Variants in TENM3 observed in about 807,000 individuals in gnomAD.
TENM3 encodes the protein teneurin transmembrane protein 3.
Under a neutral mutation model 255.1 loss-of-function variants are expected in TENM3, and 63 were observed. The ratio of observed to expected loss-of-function variants is 0.25; its 90% CI spans 0.20 to 0.30. The LOEUF (loss-of-function observed/expected upper bound fraction) is 0.30, where lower values mean the gene tolerates loss of function less well. Among genes scored for constraint, TENM3 ranks in the 10% least tolerant of loss-of-function variants. TENM3 has a pLI of 1.00. For missense variants in TENM3, 2,929 were observed against 3,461.1 expected (o/e 0.85, Z 3.86); for synonymous variants, 1,306 against 1,322.3 (o/e 0.99, Z 0.27).
In TENM3 at chr4:182,758,749, C is replaced by T. The variant is rs187258746; in HGVS notation, c.4892+3490C>T. Among the ~76,000 whole-genome samples the T allele has an allele frequency of 1.3e-3, 199 of 152,146 alleles. 1 individual carries two copies. The highest frequency in any genetic ancestry group is 4.6e-3 in the African/African-American group (192 of 41,474). ...GGGATTTGACAGGTTTGACAATGGCCAGAGTGTCACCAAAACCACAACGAG... is the reference window on the plus strand; with the variant it reads ...GGGATTTGACAGGTTTGACAATGGCTAGAGTGTCACCAAAACCACAACGAG... On this transcript the variant is annotated intron_variant, in intron 22 of 27. Coordinates refer to ENST00000511685, the MANE Select transcript of TENM3 (RefSeq NM_001080477.4).
chr4:182,261,297 G>A (rs1386139937), intron 1 of TENM3, among the ~76,000 whole-genome samples: 1 of 152,144 alleles, frequency 6.6e-6, no homozygotes, highest in Non-Finnish European at 1.5e-5. Context: ...ATTCTAAAAG[G>A]CTGAGTATTT....
At chr4:182,656,018 G>A (rs1052402606) in intron 6 of TENM3, among the ~76,000 whole-genome samples, 4 of 152,130 alleles carry the variant, frequency 2.6e-5, no homozygotes, top group African/African-American at 4.8e-5. Context: ...CAGAAATACT[G>A]CTTTGGTAGC....
rs1756049164 is a variant in TENM3 at position 182,680,311 on chromosome 4, A to T, written c.1601A>T (p.His534Leu). The T allele has an allele frequency of 1.9e-6, 3 of 1,613,244 alleles. No homozygotes were observed. The African/African-American group carries it at 4.0e-5, about 22-fold the overall frequency. The change falls in exon 9 of 28, where the codon CAT becomes CTT. Residue 534 changes from histidine (H) to leucine (L), a missense_variant. By Grantham distance (99) the His-to-Leu change is moderately conservative. Around this residue, in one of 6 missense-constraint regions of TENM3, gnomAD observed 1,608 missense variants for 1,884.4 expected, o/e 0.85. Transcript: ENST00000511685. Reference sequence around the variant, plus strand: ...GGAGAATGCGTTTCTGGAACTTGCCATTGTTTTCCAGGATTTCTGGGTCCG... The same window carrying T: ...GGAGAATGCGTTTCTGGAACTTGCCTTTGTTTTCCAGGATTTCTGGGTCCG... The part of the protein sequence containing the change: ...GNGECVSGTC[H>L]CFPGFLGPDC...
At chr4:182,773,443 A>T in intron 22 of TENM3, 29 bp from the exon 23 acceptor site, 1 of 1,566,618 alleles carries the variant, frequency 6.4e-7, no homozygotes. Context: ...TTTCCTATTT[A>T]ACACCAAGTT....
chr4:182,405,447 C>A (rs762364853), intron 3 of TENM3, among the ~76,000 whole-genome samples: 2 of 152,216 alleles, frequency 1.3e-5, no homozygotes, highest in African/African-American at 2.4e-5. Flanking sequence ...GTGTATGGAA[C>A]TATGCTAGAC....
At chr4:182,107,293 C>T in the TENM3 span, among the ~76,000 whole-genome samples, 354 of 152,244 alleles carry the variant, frequency 2.3e-3, no homozygotes, top group African/African-American at 8.2e-3. Context: ...CAGGAGGATA[C>T]AGTCTCATCT....
intron 3 of TENM3, among the ~76,000 whole-genome samples, chr4:182,456,061 T>C (rs774687886): frequency 6.6e-6 from 1 of 152,146 alleles, no homozygotes; most frequent in Non-Finnish European, 1.5e-5. Context: ...GCTAAGAAAA[T>C]AGTTATTCCA....
chr4:182,211,505 T>A (rs936168662), intron 1 of TENM3, among the ~76,000 whole-genome samples: 8 of 152,210 alleles, frequency 5.3e-5, no homozygotes, highest in Admixed American at 4.6e-4. Flanking sequence ...TGAGACTGAA[T>A]TTGAAAAGAA....
At chr4:182,521,576 T>TG (rs151055794) in intron 3 of TENM3, among the ~76,000 whole-genome samples, 1 of 152,020 alleles carries the variant, frequency 6.6e-6, no homozygotes, top group Non-Finnish European at 1.5e-5. Context: ...GGGTAGCAAA[T>TG]GGGGGGGTCG....
chr4:181,573,245 G>C, the TENM3 span, among the ~76,000 whole-genome samples: 2 of 152,032 alleles, frequency 1.3e-5, no homozygotes, highest in Non-Finnish European at 2.9e-5. Flanking sequence ...CCTTTCCTCT[G>C]AGTATGTACC....
the TENM3 span, among the ~76,000 whole-genome samples, chr4:181,839,384 T>TATATATATATATATACACAC: frequency 1.2e-5 from 1 of 83,496 alleles, no homozygotes; most frequent in Non-Finnish European, 2.3e-5. Context: ...TATATATATA[T>TATATATATATATATACACAC]ACACCTATAT....
the TENM3 span, among the ~76,000 whole-genome samples, chr4:181,883,499 C>T: frequency 6.6e-6 from 1 of 152,186 alleles, no homozygotes; most frequent in Non-Finnish European, 1.5e-5. Context: ...GAGGCGGAGT[C>T]TCGCTCTGTC....
the TENM3 span, among the ~76,000 whole-genome samples, chr4:181,543,625 T>A: frequency 6.6e-6 from 1 of 152,250 alleles, no homozygotes; most frequent in East Asian, 1.9e-4. Context: ...GCCAGCCACC[T>A]GCTGGCCTAC....
At chr4:182,511,990 TACTGTA>T (rs1174723003) in intron 3 of TENM3, among the ~76,000 whole-genome samples, 1 of 152,192 alleles carries the variant, frequency 6.6e-6, no homozygotes, top group Admixed American at 6.5e-5. Flanking sequence ...CCCAAGTTCA[TACTGTA>T]AGTAGCAAAA....
chr4:181,655,237 G>C, the TENM3 span, among the ~76,000 whole-genome samples: 2 of 152,166 alleles, frequency 1.3e-5, no homozygotes, highest in African/African-American at 4.8e-5. Context: ...TCCAAGGAGC[G>C]TGAGAAGAGT....
chr4:181,900,932 T>C, the TENM3 span, among the ~76,000 whole-genome samples: 7 of 152,214 alleles, frequency 4.6e-5, no homozygotes, highest in African/African-American at 1.7e-4. Context: ...CCTGCCCACA[T>C]GTGCACACAC....
chr4:182,591,402 T>C (rs1036997502), intron 3 of TENM3, among the ~76,000 whole-genome samples: 1 of 152,212 alleles, frequency 6.6e-6, no homozygotes, highest in African/African-American at 2.4e-5. Context: ...TAATACCTTC[T>C]AGGCAGTTTA....
intron 1 of TENM3, among the ~76,000 whole-genome samples, chr4:182,285,574 G>A (rs1009375528): frequency 6.6e-6 from 1 of 152,176 alleles, no homozygotes; most frequent in Non-Finnish European, 1.5e-5. Context: ...CAGATTGCAA[G>A]TCCTCTAGAA....
intron 3 of TENM3, among the ~76,000 whole-genome samples, chr4:182,465,797 GT>G (rs1323572529): frequency 7.9e-5 from 12 of 152,104 alleles, no homozygotes; most frequent in Admixed American, 7.9e-4. Context: ...AAAAGCAACA[GT>G]TTTTATAATA....
Sources: gnomAD v4.1 joint callset for allele counts (sites outside exome capture counted in the v4.1 genomes callset) on GRCh38, gnomAD v4.1.1 for gene constraint, gnomAD v4.1.1 regional missense constraint, MANE v1.5 for transcripts, NCBI Gene and HGNC (gene_info 2026-07-23, HGNC 2026-07-21) for gene names.